Variants in SNX24 observed in about 807,000 individuals in gnomAD.
The protein encoded by SNX24 is sorting nexin 24, also known as sorting nexin-24.
Under a neutral mutation model 28.7 loss-of-function variants are expected in SNX24, and 22 were observed. The ratio of observed to expected loss-of-function variants is 0.77; its 90% CI spans 0.55 to 1.10. The LOEUF is 1.10. Among genes scored for constraint, SNX24 ranks in the 50% least tolerant of loss-of-function variants. The probability of loss-of-function intolerance (pLI) is 0.00; values close to 1 mark genes in which losing one functional copy is unlikely to be tolerated. For missense variants in SNX24, 221 were observed against 201.1 expected, an observed-to-expected ratio of 1.10 and a Z score of -0.60; for synonymous variants, 69 against 71.5, an observed-to-expected ratio of 0.96 and a Z score of 0.18.
At chr5:122,912,915 C>T (rs1407897273) in intron 1 of SNX24, among the ~76,000 whole-genome samples, 1 of 152,014 alleles carries the variant, frequency 6.6e-6, no homozygotes, top group East Asian at 1.9e-4. Flanking sequence ...GGTGATGACT[C>T]TTAAGGAGCA....
intron 1 of SNX24, among the ~76,000 whole-genome samples, chr5:122,875,795 A>G (rs1756196465): frequency 2.0e-5 from 3 of 152,132 alleles, no homozygotes; most frequent in Admixed American, 2.0e-4. Context: ...ACACTTATTT[A>G]TTTATTTTTT....
intron 3 of SNX24, among the ~76,000 whole-genome samples, chr5:122,995,280 T>C (rs1453446368): frequency 6.6e-6 from 1 of 152,236 alleles, no homozygotes; most frequent in Admixed American, 6.5e-5. Context: ...GGATAACCAG[T>C]GGCCACCCTC....
exon 6 of SNX24, chr5:123,029,306 T>G: frequency 6.2e-7 from 1 of 1,614,018 alleles, no homozygotes; most frequent in Non-Finnish European, 8.5e-7. Flanking sequence ...GAGACATACC[T>G]CTCCTGTTGC....
intron 3 of SNX24, among the ~76,000 whole-genome samples, chr5:122,975,523 C>A (rs774810326): frequency 2.6e-5 from 4 of 151,892 alleles, no homozygotes; most frequent in Non-Finnish European, 5.9e-5. Flanking sequence ...TGAAATTAAG[C>A]GGCATAAAAA....
intron 1 of SNX24, among the ~76,000 whole-genome samples, chr5:122,855,460 AT>A (rs1312841196): frequency 1.3e-5 from 2 of 152,102 alleles, no homozygotes; most frequent in African/African-American, 4.8e-5. Context: ...GTTTGATAGT[AT>A]TTTACCCTCA....
intron 1 of SNX24, among the ~76,000 whole-genome samples, chr5:122,886,257 C>T (rs1194012722): frequency 6.6e-6 from 1 of 152,116 alleles, no homozygotes; most frequent in South Asian, 2.1e-4. Context: ...TTGCAAATAC[C>T]TATGGAATAC....
At chr5:122,988,715 TTTCTAGATA>T (rs1320132833) in intron 3 of SNX24, among the ~76,000 whole-genome samples, 1 of 152,212 alleles carries the variant, frequency 6.6e-6, no homozygotes, top group Non-Finnish European at 1.5e-5. Context: ...GGAGGATATT[TTTCTAGATA>T]ATCAGCTTAC....
At chr5:122,850,498 A>C (rs1754861464) in intron 1 of SNX24, among the ~76,000 whole-genome samples, 3 of 152,204 alleles carry the variant, frequency 2.0e-5, no homozygotes, top group Admixed American at 6.5e-5. Flanking sequence ...AGACACTTAA[A>C]AATGATCAGA....
chr5:122,985,956 A>G (rs1019897293), intron 3 of SNX24, among the ~76,000 whole-genome samples: 1 of 152,150 alleles, frequency 6.6e-6, no homozygotes, highest in Non-Finnish European at 1.5e-5. Flanking sequence ...TAAACCTATC[A>G]AGGAAATAAT....
chr5:122,946,818 A>G (rs575481070), intron 3 of SNX24, among the ~76,000 whole-genome samples: 20 of 152,314 alleles, frequency 1.3e-4, no homozygotes, highest in Middle Eastern at 3.4e-3. Flanking sequence ...AAACAAAAAG[A>G]ACTAGTGGCC....
In SNX24 at chr5:123,009,044, T is replaced by G; in HGVS notation, c.*1295T>G. On this transcript the variant is annotated 3_prime_UTR_variant, in exon 7 of 7. Transcript: ENST00000261369. Reference sequence around the variant, plus strand: ...TTCAGGTTTTAAGCCTGCTGCAAACTTTTAAAATATTATGATAGATTCTGT... The same window carrying G: ...TTCAGGTTTTAAGCCTGCTGCAAACGTTTAAAATATTATGATAGATTCTGT... 1 of 985,346 alleles carries G rather than the reference T, an allele frequency of 1.0e-6. No individual in the cohort carries two copies. Among genetic ancestry groups the G allele is most frequent in the African/African-American group, 1.7e-5 (1 of 57,370 alleles). 61.0% of individuals were successfully genotyped at this position (985,346 alleles called of 1,614,324 possible).
At chr5:122,926,560 G>A (rs1277116770) in intron 1 of SNX24, among the ~76,000 whole-genome samples, 1 of 152,142 alleles carries the variant, frequency 6.6e-6, no homozygotes, top group Non-Finnish European at 1.5e-5. Context: ...GCCTTGTCTA[G>A]TATTAGAGTC....
intron 1 of SNX24, among the ~76,000 whole-genome samples, chr5:122,856,547 G>A (rs1755203263): frequency 6.8e-6 from 1 of 147,836 alleles, no homozygotes; most frequent in African/African-American, 2.5e-5. Flanking sequence ...TTTTTTTGAG[G>A]CAGAGTCATC....
chr5:123,012,398 C>T (rs776572403), downstream of SNX24, among the ~76,000 whole-genome samples: 1 of 152,094 alleles, frequency 6.6e-6, no homozygotes, highest in Non-Finnish European at 1.5e-5. Flanking sequence ...GAGACATAAG[C>T]CAGTCACAAA....
At chr5:122,997,197 C>G (rs1046252374) in intron 3 of SNX24, among the ~76,000 whole-genome samples, 1 of 152,174 alleles carries the variant, frequency 6.6e-6, no homozygotes, top group African/African-American at 2.4e-5. Context: ...TTCTCCCAAG[C>G]TTTTAAAACA....
chr5:122,893,758 T>C (rs1276841704), intron 1 of SNX24, among the ~76,000 whole-genome samples: 12 of 152,134 alleles, frequency 7.9e-5, no homozygotes, highest in Admixed American at 7.9e-4. Flanking sequence ...CAAAAGTTAC[T>C]TGAAGCCAGG....
At chr5:122,924,744 C>T (rs1409599500) in intron 1 of SNX24, among the ~76,000 whole-genome samples, 1 of 152,034 alleles carries the variant, frequency 6.6e-6, no homozygotes, top group Non-Finnish European at 1.5e-5. Flanking sequence ...AGAAAGTAGG[C>T]GTTATCATCT....
intron 2 of SNX24, among the ~76,000 whole-genome samples, chr5:122,940,254 A>G (rs1365404170): frequency 6.6e-6 from 1 of 152,144 alleles, no homozygotes; most frequent in African/African-American, 2.4e-5. Context: ...TCTGCCTCCC[A>G]AAGTGCTAGA....
At chr5:123,002,189 A>G (rs1762270590) in intron 6 of SNX24, 185 bp downstream of exon 6, 1 of 600,490 alleles carries the variant, frequency 1.7e-6, no homozygotes, top group Admixed American at 2.8e-5. Context: ...TCAGGAGGAA[A>G]TGTAATTTTT....
Sources: gnomAD v4.1 joint callset for allele counts (sites outside exome capture counted in the v4.1 genomes callset) on GRCh38, gnomAD v4.1.1 for gene constraint, MANE v1.5 for transcripts, NCBI Gene and HGNC (gene_info 2026-07-23, HGNC 2026-07-21) for gene names.